PCDHGA12: variants seen among roughly 807,000 people sequenced by gnomAD.
The protein encoded by PCDHGA12 is protocadherin gamma subfamily A, 12.
In PCDHGA12, 43 loss-of-function variants were observed where a neutral mutation model predicts 61.1. The observed-to-expected ratio is 0.70, with a 90% CI of 0.55 to 0.91. The LOEUF (loss-of-function observed/expected upper bound fraction) is 0.91. Among genes scored for constraint, PCDHGA12 ranks in the 40% least tolerant of loss-of-function variants. PCDHGA12 has a pLI of 0.00. For synonymous variants in PCDHGA12, 520 were observed against 542.9 expected (o/e 0.96, Z 0.59); for missense variants, 1,236 against 1,227.7 (o/e 1.01, Z -0.10).
chr5:141,432,800 C>T lies in PCDHGA12; in HGVS notation c.2041C>T (p.Pro681Ser). The T allele has an allele frequency of 6.2e-7, 1 of 1,614,156 alleles. No individual in the cohort carries two copies. The highest frequency in any genetic ancestry group is 8.5e-7 in the Non-Finnish European group (1 of 1,180,008). ...GGCGGACCTCGGCAGCCTCGAGTCT[C>T]CAGCTAACTCTGAAACCTCAGACCT... Reference protein sequence around the residue: ...VLADLGSLESPANSETSDLTL... With the variant: ...VLADLGSLESSANSETSDLTL... Residue 681 changes from proline (P) to serine (S), a missense_variant, in exon 1 of 4, where the codon CCA becomes TCA. Physicochemically the swap from Pro to Ser is moderately conservative, Grantham distance 74. Transcript: ENST00000252085. This position sits in a 1 kb window ranked among gnomAD's most constrained non-coding sequence, Gnocchi z 6.0.
At position 141,432,782 on chromosome 5, in the gene PCDHGA12, C is replaced by G. The variant is rs547164205; in HGVS notation, c.2023C>G (p.Leu675Val). Residue 675 changes from leucine to valine, a missense_variant, in exon 1 of 4, where the codon CTC becomes GTC. Transcript: ENST00000252085. The surrounding 1 kb of genome is among the most constrained non-coding windows in gnomAD (Gnocchi z 6.0). Reference protein sequence around the residue: ...ADSIPQVLADLGSLESPANSE... With the variant: ...ADSIPQVLADVGSLESPANSE... ...CAGCATCCCCCAAGTCCTGGCGGACCTCGGCAGCCTCGAGTCTCCAGCTAA... is the reference window on the plus strand; with the variant it reads ...CAGCATCCCCCAAGTCCTGGCGGACGTCGGCAGCCTCGAGTCTCCAGCTAA... 4.3e-6 allele frequency: 7 copies of G among 1,614,046 alleles called. No individual in the cohort carries two copies. The highest frequency in any genetic ancestry group is 3.3e-4 in the Middle Eastern group (2 of 6,084).
Position 141,487,564 on chromosome 5 carries a change from G to A in PCDHGA12, c.2425-7243G>A, listed in dbSNP as rs1436847912. ...AGTCACCCAGTGCACCTATGGCAGG[G>A]GAGCCTGTTCGCCCAAGCTGCCCAC... On this transcript the variant is annotated intron_variant, in intron 1 of 3. Coordinates refer to ENST00000252085, the MANE Select transcript of PCDHGA12 (RefSeq NM_003735.3). This position sits in a 1 kb window ranked among gnomAD's most constrained non-coding sequence, Gnocchi z 5.0. 3 of 1,614,178 alleles carry A rather than the reference G, an allele frequency of 1.9e-6. No homozygotes were observed. Among genetic ancestry groups the A allele is most frequent in the Non-Finnish European group, 2.5e-6 (3 of 1,180,040 alleles).
In PCDHGA12 at chr5:141,450,032, G is replaced by A. The variant is rs146567243; in HGVS notation, c.2424+16849G>A. Among the ~76,000 whole-genome samples the A allele has an allele frequency of 4.6e-3, 607 of 131,666 alleles. 4 individuals are homozygous for A. The highest frequency in any genetic ancestry group is 0.017 in the African/African-American group (550 of 33,158). The allele number at this position is 131,666 out of a possible 152,430, so 86.4% of individuals were successfully genotyped here. A position where few individuals can be genotyped will look rare whatever the true frequency, so the allele number is the denominator to read the frequency against. On this transcript the variant is annotated intron_variant, in intron 1 of 3. Transcript: ENST00000252085. ...TTTTTTTTTTTTTTTTTTGAGACAG[G>A]GTCTCACTCTTTCGCCCAGGCTGGA... is the stretch of plus-strand genomic sequence containing the variant.
chr5:141,490,497 C>G lies in PCDHGA12; in HGVS notation c.2425-4310C>G. The stretch of plus-strand genomic sequence containing the variant: ...CTTTGGACCGGGAGGCCACATCCCA[C>G]TATATCATCGAGCTGCTGGCCAGCG... On this transcript the variant is annotated intron_variant, in intron 1 of 3. Transcript: ENST00000252085. The surrounding 1 kb of genome is among the most constrained non-coding windows in gnomAD (Gnocchi z 5.4). 6.2e-7 allele frequency: 1 copy of G among 1,614,196 alleles called. No individual in the cohort carries two copies. Among genetic ancestry groups the G allele is most frequent in the South Asian group, 1.1e-5 (1 of 91,084 alleles).
intron 2 of PCDHGA12, among the ~76,000 whole-genome samples, chr5:141,495,720 G>A (rs1048453188): frequency 2.6e-5 from 4 of 152,080 alleles, no homozygotes; most frequent in Non-Finnish European, 5.9e-5. Context: ...GTAACTACAC[G>A]GGACCCTTAG....
Position 141,434,824 on chromosome 5 carries a change from A to C in PCDHGA12, c.2424+1641A>C, listed in dbSNP as rs143305842. ...CTTGGAGAAATATATCCCTTAGTACACTTGGCATTTATAAAGCAGACATCA... is the reference window on the plus strand; with the variant it reads ...CTTGGAGAAATATATCCCTTAGTACCCTTGGCATTTATAAAGCAGACATCA... On this transcript the variant is annotated intron_variant, in intron 1 of 3. Coordinates refer to ENST00000252085, the MANE Select transcript of PCDHGA12 (RefSeq NM_003735.3). 7.9e-4 allele frequency among the ~76,000 whole-genome samples: 120 copies of C among 152,004 alleles called. 2 individuals are homozygous for C. The highest frequency in any genetic ancestry group is 2.8e-3 in the African/African-American group (115 of 41,454).
chr5:141,432,049 G>T lies in PCDHGA12; in HGVS notation c.1290G>T (p.Pro430=). The T allele has an allele frequency of 7.4e-6, 12 of 1,614,150 alleles. No individual in the cohort carries two copies. Among genetic ancestry groups the T allele is most frequent in the Non-Finnish European group, 1.0e-5 (12 of 1,180,028 alleles). The part of the protein sequence containing the change: ...ITVTATDRGT[P]PLSTETHISL... Reference sequence around the variant, plus strand: ...TGACCGCCACTGACCGGGGAACCCCGCCCCTATCCACGGAAACTCATATCT... The same window carrying T: ...TGACCGCCACTGACCGGGGAACCCCTCCCCTATCCACGGAAACTCATATCT... The change falls in exon 1 of 4, where the codon CCG becomes CCT. Residue 430 remains proline (P), a synonymous_variant. Coordinates refer to ENST00000252085, the MANE Select transcript of PCDHGA12 (RefSeq NM_003735.3). The surrounding 1 kb of genome is among the most constrained non-coding windows in gnomAD (Gnocchi z 6.0).
chr5:141,433,987 T>C (rs1332689630), intron 1 of PCDHGA12, among the ~76,000 whole-genome samples: 1 of 152,252 alleles, frequency 6.6e-6, no homozygotes, highest in Non-Finnish European at 1.5e-5. Context: ...GAAGAAGAGT[T>C]TTATATTCTC....
At chr5:141,500,473 T>C (rs911171031) in intron 2 of PCDHGA12, among the ~76,000 whole-genome samples, 10 of 152,132 alleles carry the variant, frequency 6.6e-5, no homozygotes, top group Admixed American at 4.6e-4. Flanking sequence ...CCTCCCAAAG[T>C]GCTGGGATTA....
At chr5:141,500,260 C>G (rs2099798502) in intron 2 of PCDHGA12, among the ~76,000 whole-genome samples, 3 of 151,104 alleles carry the variant, frequency 2.0e-5, no homozygotes, top group African/African-American at 2.4e-5. Flanking sequence ...CCAGGCTGGA[C>G]TGCAGTGGCG....
intron 1 of PCDHGA12, chr5:141,484,980 A>C (rs1387732109): frequency 1.7e-6 from 1 of 593,836 alleles, no homozygotes; most frequent in Admixed American, 3.1e-5. Flanking sequence ...CTGTCTGCCA[A>C]TCGGGTGGTG....
At chr5:141,469,191 G>A (rs1431459571) in intron 1 of PCDHGA12, among the ~76,000 whole-genome samples, 1 of 151,882 alleles carries the variant, frequency 6.6e-6, no homozygotes, top group Admixed American at 6.6e-5. Flanking sequence ...CAAGAGGATT[G>A]CTTGAGCCTT....
In PCDHGA12 at chr5:141,485,849, G is replaced by A. The variant is rs777288674; in HGVS notation, c.2425-8958G>A. ...AGGGAACCCGCCGAGATCTGGCACC[G>A]CAGAGCTCCGGGTATCCGTGCTGGA... On this transcript the variant is annotated intron_variant, in intron 1 of 3. Transcript: ENST00000252085. The surrounding 1 kb of genome is among the most constrained non-coding windows in gnomAD (Gnocchi z 5.7). 3 of 1,614,130 alleles carry A rather than the reference G, an allele frequency of 1.9e-6. No individual in the cohort carries two copies. In the South Asian group the frequency reaches 3.3e-5, roughly 18 times the overall value.
chr5:141,497,824 T>G (rs1164705269), intron 2 of PCDHGA12, among the ~76,000 whole-genome samples: 1 of 152,086 alleles, frequency 6.6e-6, no homozygotes, highest in African/African-American at 2.4e-5. Flanking sequence ...ACAGGTGTGA[T>G]CGCCCCCGGC....
Position 141,491,742 on chromosome 5 carries a change from C to CA in PCDHGA12, c.2425-3064dup. The CA allele has an allele frequency of 3.1e-6, 5 of 1,596,114 alleles. No individual in the cohort carries two copies. Among genetic ancestry groups the CA allele is most frequent in the Non-Finnish European group, 4.3e-6 (5 of 1,172,424 alleles). ...CGCCCCGGGCGACCCCTGGGGGCGG[C>CA]ACTGGAGAAGCCGCCCGTCCTCATA... On this transcript the variant is annotated intron_variant, in intron 1 of 3. Coordinates refer to ENST00000252085, the MANE Select transcript of PCDHGA12 (RefSeq NM_003735.3). This position sits in a 1 kb window ranked among gnomAD's most constrained non-coding sequence, Gnocchi z 6.9.
intron 1 of PCDHGA12, chr5:141,440,479 T>C (rs949675242): frequency 6.6e-6 from 1 of 152,172 alleles, no homozygotes; most frequent in African/African-American, 2.4e-5. Context: ...TTGAAAATTC[T>C]TTAAATGTTT....
rs754836894 is a variant in PCDHGA12, at chr5:141,432,969, C to A, written c.2210C>A (p.Ala737Glu). 6.2e-7 allele frequency: 1 copy of A among 1,614,148 alleles called. No individual in the cohort carries two copies. Among genetic ancestry groups the A allele is most frequent in the East Asian group, 2.2e-5 (1 of 44,852 alleles). ...ASGGGLTGAPASHFVGVDGVQ... is the reference protein window; with the variant it reads ...ASGGGLTGAPESHFVGVDGVQ... ...GGAGGCGGCTTGACAGGAGCGCCGG[C>A]GTCGCACTTTGTGGGCGTGGACGGG... is the stretch of plus-strand genomic sequence containing the variant. Residue 737 changes from alanine to glutamate, a missense_variant, in exon 1 of 4, where the codon GCG (alanine) becomes GAG (glutamate). Physicochemically the swap from Ala to Glu is moderately radical, Grantham distance 107. Coordinates refer to ENST00000252085, the MANE Select transcript of PCDHGA12 (RefSeq NM_003735.3). This position sits in a 1 kb window ranked among gnomAD's most constrained non-coding sequence, Gnocchi z 6.0.
chr5:141,431,435 G>C lies in PCDHGA12; in HGVS notation c.676G>C (p.Ala226Pro), dbSNP rs376827063. The C allele has an allele frequency of 6.2e-7, 1 of 1,613,668 alleles. No homozygotes were observed. The highest frequency in any genetic ancestry group is 1.7e-5 in the Admixed American group (1 of 60,010). The change falls in exon 1 of 4, where the codon GCG (alanine) becomes CCG (proline). Residue 226 changes from alanine to proline, a missense_variant. Ala to Pro is a conservative substitution (Grantham distance 27, BLOSUM62 -1). Coordinates refer to ENST00000252085, the MANE Select transcript of PCDHGA12 (RefSeq NM_003735.3). This position sits in a 1 kb window ranked among gnomAD's most constrained non-coding sequence, Gnocchi z 4.8. ...DGGDPVRTGT[A>P]RIRVMVLDAN... ...GGGCGACCCGGTGCGCACAGGCACC[G>C]CGCGCATCCGCGTGATGGTTCTGGA...
At chr5:141,480,927 C>T (rs1562083028) in intron 1 of PCDHGA12, among the ~76,000 whole-genome samples, 1 of 152,090 alleles carries the variant, frequency 6.6e-6, no homozygotes, top group Non-Finnish European at 1.5e-5. Context: ...TACCTGTAGT[C>T]CCAGCTACTC....
Sources: allele counts gnomAD v4.1 joint callset (sites outside exome capture counted in the v4.1 genomes callset), GRCh38; gene constraint gnomAD v4.1.1; non-coding constraint Gnocchi (gnomAD v3.1); transcripts MANE v1.5; gene names NCBI Gene and HGNC (gene_info 2026-07-23, HGNC 2026-07-21).